The following FXN variants were observed in gnomAD, a reference collection of about 807,000 sequenced individuals.
FXN encodes frataxin.
In FXN, 14 loss-of-function variants were observed where a neutral mutation model predicts 22.4. The ratio of observed to expected loss-of-function variants is 0.62; its 90% CI spans 0.41 to 0.98. The LOEUF (loss-of-function observed/expected upper bound fraction) is 0.98, where lower values mean the gene tolerates loss of function less well. Among genes scored for constraint, FXN ranks in the 50% least tolerant of loss-of-function variants. The pLI is 0.00. For missense variants in FXN, 267 were observed against 268.4 expected, an observed-to-expected ratio of 0.99 and a Z score of 0.04; for synonymous variants, 120 against 114.1, an observed-to-expected ratio of 1.05 and a Z score of -0.33.
At chr9:69,063,500 A>G (rs541298199) in intron 3 of FXN, among the ~76,000 whole-genome samples, 1 of 152,324 alleles carries the variant, frequency 6.6e-6, no homozygotes, top group East Asian at 1.9e-4. Flanking sequence ...AATAGTGGTT[A>G]ATATTTTTAT....
In FXN at chr9:69,077,148, G is replaced by A; in HGVS notation, c.*4386G>A. 1.4e-6 allele frequency: 1 copy of A among 721,734 alleles called. No individual in the cohort carries two copies. The highest frequency in any genetic ancestry group is 1.7e-6 in the Non-Finnish European group (1 of 589,596). 44.7% of individuals were successfully genotyped at this position (721,734 alleles called of 1,614,324 possible). On this transcript the variant is annotated 3_prime_UTR_variant, in exon 5 of 5. Transcript: ENST00000484259. ...AGGCTGGTCTTGAACTCCTGACCTA[G>A]TAATCCACCTGCCTCCGCCTCCCAA... is the stretch of plus-strand genomic sequence containing the variant.
intron 1 of FXN, among the ~76,000 whole-genome samples, chr9:69,040,647 G>A (rs1396108948): frequency 1.3e-5 from 2 of 152,098 alleles, no homozygotes; most frequent in Non-Finnish European, 2.9e-5. Flanking sequence ...CAGCCTGGGT[G>A]ACAGAGCGAG....
intron 2 of FXN, among the ~76,000 whole-genome samples, chr9:69,051,606 A>G (rs1443607315): frequency 6.6e-6 from 1 of 152,166 alleles, no homozygotes; most frequent in Non-Finnish European, 1.5e-5. Context: ...CCTTGCCTTT[A>G]AGAGGCAAAT....
At chr9:69,047,688 C>A (rs1831783383) in intron 2 of FXN, among the ~76,000 whole-genome samples, 1 of 152,088 alleles carries the variant, frequency 6.6e-6, no homozygotes, top group Non-Finnish European at 1.5e-5. Context: ...CTCCAGTCAG[C>A]TATTTTAGGC....
At chr9:69,043,828 C>A (rs1347180471) in intron 1 of FXN, among the ~76,000 whole-genome samples, 1 of 152,178 alleles carries the variant, frequency 6.6e-6, no homozygotes, top group Non-Finnish European at 1.5e-5. Context: ...AGGTGATCCA[C>A]CCGCCTCCGC....
chr9:69,073,370 G>A lies in FXN; in HGVS notation c.*608G>A, dbSNP rs559884502. The A allele has an allele frequency of 1.0e-6, 1 of 987,442 alleles. No homozygotes were observed. The highest frequency in any genetic ancestry group is 1.1e-4 in the East Asian group (1 of 8,848). 61.2% of individuals were successfully genotyped at this position (987,442 alleles called of 1,614,324 possible). A position where few individuals can be genotyped will look rare whatever the true frequency, so the allele number is the denominator to read the frequency against. On this transcript the variant is annotated 3_prime_UTR_variant, in exon 5 of 5. Transcript: ENST00000484259. ...ACTGGGTTGTCCAGGGAGACCTAGTGCTGTTTCTCCCACATATTCACATAC... is the reference window on the plus strand; with the variant it reads ...ACTGGGTTGTCCAGGGAGACCTAGTACTGTTTCTCCCACATATTCACATAC...
At chr9:69,058,466 T>A (rs181843028) in intron 3 of FXN, among the ~76,000 whole-genome samples, 1 of 152,240 alleles carries the variant, frequency 6.6e-6, no homozygotes, top group East Asian at 1.9e-4. Context: ...GACATGTTCT[T>A]TATTCACTAA....
chr9:69,058,237 A>C (rs1831998791), intron 3 of FXN, among the ~76,000 whole-genome samples: 1 of 151,974 alleles, frequency 6.6e-6, no homozygotes, highest in African/African-American at 2.4e-5. Context: ...CCCAGGCATC[A>C]CCCCTTACTG....
Position 69,075,802 on chromosome 9 carries a change from C to A in FXN, c.*3040C>A. On this transcript the variant is annotated 3_prime_UTR_variant, in exon 5 of 5. Transcript: ENST00000484259. ...CTGGAGGACAGTGGTACAATCAAAG[C>A]TCATGGCAGCCTCGACCTCCCTGGG... is the stretch of plus-strand genomic sequence containing the variant. 1.2e-6 allele frequency: 1 copy of A among 804,144 alleles called. No homozygotes were observed. The highest frequency in any genetic ancestry group is 1.5e-6 in the Non-Finnish European group (1 of 665,216). The allele number at this position is 804,144 out of a possible 1,614,324, so 49.8% of individuals were successfully genotyped here. A position where few individuals can be genotyped will look rare whatever the true frequency, so the allele number is the denominator to read the frequency against.
At position 69,075,534 on chromosome 9, in the gene FXN, T is replaced by C. The variant is rs1832349495; in HGVS notation, c.*2772T>C. 2 of 984,974 alleles carry C rather than the reference T, an allele frequency of 2.0e-6. No homozygotes were observed. The highest frequency in any genetic ancestry group is 2.4e-6 in the Non-Finnish European group (2 of 829,760). 61.0% of individuals were successfully genotyped at this position (984,974 alleles called of 1,614,324 possible). On this transcript the variant is annotated 3_prime_UTR_variant, in exon 5 of 5. Transcript: ENST00000484259. ...CAGGGGAAGAATCAAAATCATATTCTGTCAAGCAAACTGGAAAAGTACCAC... is the reference window on the plus strand; with the variant it reads ...CAGGGGAAGAATCAAAATCATATTCCGTCAAGCAAACTGGAAAAGTACCAC...
intron 2 of FXN, among the ~76,000 whole-genome samples, chr9:69,048,214 C>T (rs1004978732): frequency 1.3e-5 from 2 of 152,184 alleles, no homozygotes; most frequent in Admixed American, 6.5e-5. Flanking sequence ...TCAAGTTAAA[C>T]AATAAGATTG....
rs775108471 is a variant in FXN at position 69,047,132 on chromosome 9, C to CACGG, written c.263+651_263+654dup. On this transcript the variant is annotated intron_variant, in intron 2 of 4. Transcript: ENST00000484259. ...GCATTCCCCATGGAAAGCTGTCAGG[C>CACGG]ACGGCTACAGTCTACCCCCTGCCAA... 7.2e-4 allele frequency among the ~76,000 whole-genome samples: 109 copies of CACGG among 152,290 alleles called. 2 individuals are homozygous for CACGG. The highest frequency in any genetic ancestry group is 6.8e-3 in the Middle Eastern group (2 of 294).
intron 1 of FXN, among the ~76,000 whole-genome samples, chr9:69,036,900 G>T (rs980809725): frequency 3.0e-4 from 46 of 152,138 alleles, no homozygotes; most frequent in Non-Finnish European, 5.6e-4. Context: ...TCACGAGGAG[G>T]GAACCGTCTG....
intron 3 of FXN, among the ~76,000 whole-genome samples, chr9:69,054,166 A>G (rs1361240989): frequency 6.6e-6 from 1 of 151,986 alleles, no homozygotes; most frequent in Non-Finnish European, 1.5e-5. Flanking sequence ...ATGCCCAGCT[A>G]ATTTTTGCAT....
At position 69,077,271 on chromosome 9, in the gene FXN, G is replaced by T. The variant is rs958359624; in HGVS notation, c.*4509G>T. The T allele has an allele frequency of 1.8e-5, 18 of 985,260 alleles. No homozygotes were observed. The African/African-American group carries it at 3.1e-4, about 17-fold the overall frequency. The allele number at this position is 985,260 out of a possible 1,614,324, so 61.0% of individuals were successfully genotyped here. ...AGCCAGGACACTTGGAGTGCATCCCGAAGTACCTGATCAGTGGCCCCTTTG... is the reference window on the plus strand; with the variant it reads ...AGCCAGGACACTTGGAGTGCATCCCTAAGTACCTGATCAGTGGCCCCTTTG... On this transcript the variant is annotated 3_prime_UTR_variant, in exon 5 of 5. Coordinates refer to ENST00000484259, the MANE Select transcript of FXN (RefSeq NM_000144.5).
At chr9:69,067,908 C>T (rs1433776688) in intron 4 of FXN, among the ~76,000 whole-genome samples, 1 of 152,188 alleles carries the variant, frequency 6.6e-6, no homozygotes, top group Admixed American at 6.5e-5. Context: ...GGGAAAGTGA[C>T]ATGTCCTAAG....
intron 1 of FXN, among the ~76,000 whole-genome samples, chr9:69,043,759 T>C (rs547380421): frequency 1.3e-5 from 2 of 152,290 alleles, no homozygotes; most frequent in Middle Eastern, 3.4e-3. Flanking sequence ...AATTTTTGTG[T>C]TTTTAGTAGA....
In FXN at chr9:69,035,888, C is replaced by G; in HGVS notation, c.106C>G (p.Leu36Val). 1 of 1,491,556 alleles carries G rather than the reference C, an allele frequency of 6.7e-7. No individual in the cohort carries two copies. The highest frequency in any genetic ancestry group is 8.9e-7 in the Non-Finnish European group (1 of 1,127,390). 92.4% of individuals were successfully genotyped at this position (1,491,556 alleles called of 1,614,324 possible). Reference protein sequence around the residue: ...RVPRPAELAPLCGRRGLRTDI... With the variant: ...RVPRPAELAPVCGRRGLRTDI... ...CCCGCGGCCGGCAGAGTTGGCCCCACTCTGCGGCCGCCGTGGCCTGCGCAC... is the reference window on the plus strand; with the variant it reads ...CCCGCGGCCGGCAGAGTTGGCCCCAGTCTGCGGCCGCCGTGGCCTGCGCAC... Residue 36 changes from leucine (L) to valine (V), a missense_variant, in exon 1 of 5, where the codon CTC (leucine) becomes GTC (valine). By Grantham distance (32) the Leu-to-Val change is conservative. Transcript: ENST00000484259.
At chr9:69,061,145 G>C (rs1832064573) in intron 3 of FXN, among the ~76,000 whole-genome samples, 1 of 152,218 alleles carries the variant, frequency 6.6e-6, no homozygotes, top group African/African-American at 2.4e-5. Context: ...AGAGTGGCCT[G>C]ATACCTGGAG....
Sources: gnomAD v4.1 joint callset for allele counts (sites outside exome capture counted in the v4.1 genomes callset) on GRCh38, gnomAD v4.1.1 for gene constraint, MANE v1.5 for transcripts, NCBI Gene and HGNC (gene_info 2026-07-23, HGNC 2026-07-21) for gene names.